IL21R: variants seen among roughly 807,000 people sequenced by gnomAD.
The protein encoded by IL21R is interleukin 21 receptor.
Under a neutral mutation model 41.3 loss-of-function variants are expected in IL21R, and 14 were observed. That is an observed-to-expected ratio of 0.34 (90% confidence interval 0.22 to 0.53). The LOEUF (loss-of-function observed/expected upper bound fraction) is 0.53. IL21R is among the 20% of genes least tolerant of loss of function. The pLI is 0.94. For missense variants in IL21R, 588 were observed against 681.6 expected (o/e 0.86, Z 1.53); for synonymous variants, 286 against 287.6 (o/e 0.99, Z 0.05).
intron 3 of IL21R, among the ~76,000 whole-genome samples, chr16:27,434,965 T>C (rs1358879473): frequency 6.6e-6 from 1 of 152,092 alleles, no homozygotes; most frequent in Non-Finnish European, 1.5e-5. Flanking sequence ...CATTCATTCA[T>C]TCAAAACCAT....
At chr16:27,443,197 C>T (rs1344493479) in intron 5 of IL21R, 81 bp downstream of exon 5, 5 of 1,284,446 alleles carry the variant, frequency 3.9e-6, no homozygotes, top group East Asian at 5.0e-5. Flanking sequence ...GTGGGAGAGA[C>T]GGGTGAACAA....
At chr16:27,421,284 C>T (rs1179699359) in intron 1 of IL21R, among the ~76,000 whole-genome samples, 1 of 134,942 alleles carries the variant, frequency 7.4e-6, no homozygotes, top group Non-Finnish European at 1.5e-5. Flanking sequence ...TTTGGCTATT[C>T]TAGTCCCTTA....
At position 27,435,488 on chromosome 16, in the gene IL21R, C is replaced by T. The variant is rs3093333; in HGVS notation, c.152+1039C>T. Among the ~76,000 whole-genome samples, 839 of 152,022 alleles carry T rather than the reference C, an allele frequency of 5.5e-3. 12 individuals carry two copies. The highest frequency in any genetic ancestry group is 0.019 in the African/African-American group (802 of 41,460). ...TATTTTTTTGAGACAGGGTCTTGCTCTGTTGCCCAGGCTGGAGTGCAGTGG... is the reference window on the plus strand; with the variant it reads ...TATTTTTTTGAGACAGGGTCTTGCTTTGTTGCCCAGGCTGGAGTGCAGTGG... On this transcript the variant is annotated intron_variant, in intron 3 of 8. Transcript: ENST00000337929.
intron 1 of IL21R, among the ~76,000 whole-genome samples, chr16:27,419,087 C>G (rs760216425): frequency 6.6e-6 from 1 of 151,898 alleles, no homozygotes; most frequent in Non-Finnish European, 1.5e-5. Context: ...TGGTGGCGGG[C>G]GCCTGTAATC....
At chr16:27,435,965 G>T (rs780343885) in intron 3 of IL21R, among the ~76,000 whole-genome samples, 1 of 152,262 alleles carries the variant, frequency 6.6e-6, no homozygotes, top group East Asian at 1.9e-4. Context: ...TAGAGACAGG[G>T]TTTTGTCATG....
Position 27,448,716 on chromosome 16 carries a change from C to A in IL21R, c.1050C>A (p.Ser350Arg), listed in dbSNP as rs755746046. Residue 350 changes from serine to arginine, a missense_variant, in exon 9 of 9, where the codon AGC becomes AGA. Transcript: ENST00000337929. Reference sequence around the variant, plus strand: ...AGTCTGACGGTGTGCCCAAGCCCAGCTTCTGGCCGACAGCCCAGAACTCGG... The same window carrying A: ...AGTCTGACGGTGTGCCCAAGCCCAGATTCTGGCCGACAGCCCAGAACTCGG... ...LVESDGVPKPSFWPTAQNSGG... is the reference protein window; with the variant it reads ...LVESDGVPKPRFWPTAQNSGG... 31 of 1,613,352 alleles carry A rather than the reference C, an allele frequency of 1.9e-5. No homozygotes were observed. In the Middle Eastern group the frequency reaches 1.8e-3, roughly 94 times the overall value.
chr16:27,410,926 T>G (rs571247789), intron 1 of IL21R, among the ~76,000 whole-genome samples: 314 of 152,364 alleles, frequency 2.1e-3, no homozygotes, highest in Admixed American at 4.6e-3. Context: ...AGTATTTGTT[T>G]TTTTGCAATT....
At chr16:27,444,423 G>A (rs946225341) in intron 5 of IL21R, 119 bp from the exon 6 acceptor site, 1 of 622,940 alleles carries the variant, frequency 1.6e-6, no homozygotes, top group Non-Finnish European at 2.5e-6. Context: ...TGATTCTTGT[G>A]GGAAGAGAAG....
At chr16:27,409,854 C>A (rs1400563794) in intron 1 of IL21R, among the ~76,000 whole-genome samples, 1 of 152,174 alleles carries the variant, frequency 6.6e-6, no homozygotes, top group Non-Finnish European at 1.5e-5. Context: ...TCAATTTCCA[C>A]CAAAGAAAAT....
intron 4 of IL21R, among the ~76,000 whole-genome samples, chr16:27,437,968 C>T (rs1306000690): frequency 6.6e-6 from 1 of 152,184 alleles, no homozygotes; most frequent in Non-Finnish European, 1.5e-5. Flanking sequence ...CTACTCCCTG[C>T]CCTCTGGGCC....
At chr16:27,445,118 C>T in intron 6 of IL21R, 59 bp from the exon 7 acceptor site, 3 of 1,245,524 alleles carry the variant, frequency 2.4e-6, no homozygotes, top group Non-Finnish European at 1.2e-6. Context: ...ACCATGCCCA[C>T]CCCATATGGC....
chr16:27,415,651 C>A (rs917946852), intron 1 of IL21R, among the ~76,000 whole-genome samples: 2 of 152,206 alleles, frequency 1.3e-5, no homozygotes, highest in African/African-American at 4.8e-5. Flanking sequence ...TCATTCTTCT[C>A]ATCAAATAAG....
intron 1 of IL21R, among the ~76,000 whole-genome samples, chr16:27,415,572 C>T (rs1287515470): frequency 6.6e-6 from 1 of 152,150 alleles, no homozygotes; most frequent in Non-Finnish European, 1.5e-5. Context: ...GGAAATTAGC[C>T]AAAGCTTTAG....
rs569745243 is a variant in IL21R at position 27,452,023 on chromosome 16, A to G, written c.*2740A>G. ...CAGCCTGGCACATAGTAGGCACTCAATAAAGCCTGATTTGTAGCATTTGCT... is the reference window on the plus strand; with the variant it reads ...CAGCCTGGCACATAGTAGGCACTCAGTAAAGCCTGATTTGTAGCATTTGCT... On this transcript the variant is annotated 3_prime_UTR_variant, in exon 9 of 9. Transcript: ENST00000337929. 94 of 222,098 alleles carry G rather than the reference A, an allele frequency of 4.2e-4. 1 individual carries two copies. The highest frequency in any genetic ancestry group is 2.0e-3 in the African/African-American group (89 of 44,798). 13.8% of individuals were successfully genotyped at this position (222,098 alleles called of 1,614,324 possible).
intron 3 of IL21R, among the ~76,000 whole-genome samples, chr16:27,435,283 G>A (rs2087248325): frequency 6.6e-6 from 1 of 151,306 alleles, no homozygotes; most frequent in Non-Finnish European, 1.5e-5. Flanking sequence ...AACAAAACAT[G>A]TATTAAGTTC....
intron 1 of IL21R, chr16:27,427,179 T>C (rs1029739385): frequency 1.0e-4 from 36 of 354,278 alleles, no homozygotes; most frequent in Non-Finnish European, 1.4e-4. Flanking sequence ...GTCAGACAGA[T>C]GGGGTGTTTT....
At chr16:27,406,211 C>T (rs981602081) in intron 1 of IL21R, among the ~76,000 whole-genome samples, 1 of 152,258 alleles carries the variant, frequency 6.6e-6, no homozygotes, top group Non-Finnish European at 1.5e-5. Flanking sequence ...GGGTGGCCAG[C>T]TCCGCTCCAT....
intron 2 of IL21R, among the ~76,000 whole-genome samples, chr16:27,432,980 G>T (rs1419481501): frequency 6.6e-6 from 1 of 152,142 alleles, no homozygotes; most frequent in Non-Finnish European, 1.5e-5. Flanking sequence ...AAGAGGCATG[G>T]TCTAGTCTTG....
Position 27,444,535 on chromosome 16 carries a change from C to G in IL21R, c.508-7C>G. 4 of 1,477,516 alleles carry G rather than the reference C, an allele frequency of 2.7e-6. No homozygotes were observed. Among genetic ancestry groups the G allele is most frequent in the Non-Finnish European group, 3.6e-6 (4 of 1,109,946 alleles). 91.5% of individuals were successfully genotyped at this position (1,477,516 alleles called of 1,614,324 possible). Reference sequence around the variant, plus strand: ...TGACCTGGTGCATCCTTTCCTTGTACTGGCAGAGTCCGAGGAGAAAGCTGA... The same window carrying G: ...TGACCTGGTGCATCCTTTCCTTGTAGTGGCAGAGTCCGAGGAGAAAGCTGA... On this transcript the variant is annotated splice_polypyrimidine_tract_variant and splice_region_variant and intron_variant, in intron 5 of 8. Transcript: ENST00000337929.
Sources: gnomAD v4.1 joint callset for allele counts (sites outside exome capture counted in the v4.1 genomes callset) on GRCh38, gnomAD v4.1.1 for gene constraint, MANE v1.5 for transcripts, NCBI Gene and HGNC (gene_info 2026-07-23, HGNC 2026-07-21) for gene names.